The following ITGB8 variants were observed in gnomAD, a reference collection of about 807,000 sequenced individuals.
ITGB8 encodes the protein integrin subunit beta 8.
A neutral mutation model predicts 89.5 loss-of-function variants in ITGB8; 30 were observed. The observed-to-expected ratio is 0.34, with a 90% CI of 0.25 to 0.45. ITGB8 has a LOEUF of 0.45. Among genes scored for constraint, ITGB8 ranks in the 20% least tolerant of loss-of-function variants. The pLI is 1.00. For synonymous variants in ITGB8, 335 were observed against 320.4 expected, an observed-to-expected ratio of 1.05 and a Z score of -0.49; for missense variants, 836 against 933.3, an observed-to-expected ratio of 0.90 and a Z score of 1.36.
Position 20,398,930 on chromosome 7 carries a change from T to C in ITGB8, c.1217T>C (p.Ile406Thr), listed in dbSNP as rs1458719684. 1 of 1,611,306 alleles carries C rather than the reference T, an allele frequency of 6.2e-7. No homozygotes were observed. ...GGCATCTATTTTAACATTACCGCCA[T>C]CTGTCCAGATGGGTCCAGAAAGCCA... ...VQGIYFNITAICPDGSRKPGM... is the reference protein window; with the variant it reads ...VQGIYFNITATCPDGSRKPGM... The change falls in exon 9 of 14, where the codon ATC (isoleucine) becomes ACC (threonine). Residue 406 changes from isoleucine (I) to threonine (T), a missense_variant. Physicochemically the swap from Ile to Thr is moderately conservative, Grantham distance 89. Coordinates refer to ENST00000222573, the MANE Select transcript of ITGB8 (RefSeq NM_002214.3).
intron 1 of ITGB8, among the ~76,000 whole-genome samples, chr7:20,334,271 T>C (rs1265964793): frequency 2.0e-5 from 3 of 152,156 alleles, no homozygotes; most frequent in African/African-American, 7.2e-5. Context: ...TGTAAAATGG[T>C]CAATAAATAA....
At chr7:20,402,275 G>A (rs909083778) in intron 10 of ITGB8, 149 bp downstream of exon 10, 2 of 629,340 alleles carry the variant, frequency 3.2e-6, no homozygotes, top group Non-Finnish European at 5.2e-6. Flanking sequence ...ATTAGGGCAT[G>A]GCAACAGATT....
At chr7:20,365,649 A>G (rs547297412) in intron 2 of ITGB8, 1 of 152,376 alleles carries the variant, frequency 6.6e-6, no homozygotes, top group East Asian at 1.9e-4. Context: ...CACGGTTAGG[A>G]AACTAGGAGG....
chr7:20,371,212 A>G (rs981219513), intron 3 of ITGB8, among the ~76,000 whole-genome samples: 1 of 152,224 alleles, frequency 6.6e-6, no homozygotes, highest in Non-Finnish European at 1.5e-5. Flanking sequence ...CAAAACCAAA[A>G]TCGAAGAATA....
intron 1 of ITGB8, among the ~76,000 whole-genome samples, chr7:20,351,761 AC>A (rs1282555009): frequency 6.6e-6 from 1 of 152,234 alleles, no homozygotes; most frequent in Non-Finnish European, 1.5e-5. Context: ...AATCAAGTTC[AC>A]ACCTGCAACG....
At chr7:20,345,412 C>T (rs971128890) in intron 1 of ITGB8, among the ~76,000 whole-genome samples, 2 of 151,152 alleles carry the variant, frequency 1.3e-5, no homozygotes, top group African/African-American at 4.9e-5. Flanking sequence ...CATGGTTATA[C>T]ATAATTATCT....
Position 20,381,727 on chromosome 7 carries a change from A to T in ITGB8, c.802A>T (p.Ser268Cys). The T allele has an allele frequency of 6.2e-7, 1 of 1,601,506 alleles. No individual in the cohort carries two copies. ...DAMLQAAVCE[S>C]HIGWRKEAKR... ...GTCTAATTACATGTTTATTTTTAAG[A>T]GTCATATCGGATGGCGAAAAGAGGC... The change falls in exon 6 of 14, where the codon AGT (serine) becomes TGT (cysteine). Residue 268 changes from serine (S) to cysteine (C), a missense_variant and splice_region_variant. Coordinates refer to ENST00000222573, the MANE Select transcript of ITGB8 (RefSeq NM_002214.3).
intron 1 of ITGB8, among the ~76,000 whole-genome samples, chr7:20,355,956 G>A (rs1043479003): frequency 1.3e-5 from 2 of 152,084 alleles, no homozygotes; most frequent in African/African-American, 4.8e-5. Flanking sequence ...CTGCTTCTTT[G>A]TCTATTTCAA....
chr7:20,354,577 T>A (rs1785225668), intron 1 of ITGB8, among the ~76,000 whole-genome samples: 1 of 152,102 alleles, frequency 6.6e-6, no homozygotes, highest in African/African-American at 2.4e-5. Context: ...TCCTTGGTAT[T>A]CTGAGAGGCC....
At chr7:20,337,877 C>T (rs1784627633) in intron 1 of ITGB8, among the ~76,000 whole-genome samples, 1 of 152,186 alleles carries the variant, frequency 6.6e-6, no homozygotes, top group Non-Finnish European at 1.5e-5. Context: ...TAAACAGCCT[C>T]AGACTACTTT....
At chr7:20,358,694 C>A (rs1442700217) in intron 1 of ITGB8, among the ~76,000 whole-genome samples, 1 of 152,130 alleles carries the variant, frequency 6.6e-6, no homozygotes, top group Non-Finnish European at 1.5e-5. Context: ...TGAGCCACTG[C>A]GCCCAGCCAG....
At chr7:20,387,724 A>T (rs1213179248) in intron 6 of ITGB8, among the ~76,000 whole-genome samples, 1 of 152,212 alleles carries the variant, frequency 6.6e-6, no homozygotes, top group Non-Finnish European at 1.5e-5. Flanking sequence ...CAAATAAAAA[A>T]TATATCCAGC....
In ITGB8 at chr7:20,401,360, AC is replaced by A. The variant is rs541057522; in HGVS notation, c.1282-357del. Among the ~76,000 whole-genome samples the A allele has an allele frequency of 2.0e-4, 31 of 152,186 alleles. 1 individual carries two copies. In the East Asian group the frequency reaches 5.0e-3, roughly 25 times the overall value. On this transcript the variant is annotated intron_variant, in intron 9 of 13. Coordinates refer to ENST00000222573, the MANE Select transcript of ITGB8 (RefSeq NM_002214.3). Reference sequence around the variant, plus strand: ...CTATCTCTAGTGTCAAATATTCAATACCCCACATTTTAATGGCTGAGTTTAG... The same window carrying A: ...CTATCTCTAGTGTCAAATATTCAATACCCACATTTTAATGGCTGAGTTTAG...
chr7:20,358,090 C>T (rs558267452), intron 1 of ITGB8, among the ~76,000 whole-genome samples: 11 of 152,224 alleles, frequency 7.2e-5, no homozygotes, highest in Middle Eastern at 3.4e-3. Context: ...CTCAGCCTCC[C>T]GAGTAGCTGG....
chr7:20,363,801 T>C, intron 2 of ITGB8, 79 bp downstream of exon 2: 1 of 737,288 alleles, frequency 1.4e-6, no homozygotes, highest in Non-Finnish European at 2.0e-6. Context: ...ATTCTGTGCC[T>C]TGAAGGTGCA....
Position 20,380,807 on chromosome 7 carries a change from C to A in ITGB8, c.777C>A (p.Ala259=). ...ATACACCAGAAGGAGGTTTTGACGCCATGCTTCAGGCAGCTGTCTGTGAAG... is the reference window on the plus strand; with the variant it reads ...ATACACCAGAAGGAGGTTTTGACGCAATGCTTCAGGCAGCTGTCTGTGAAG... The part of the protein sequence containing the change: ...NIDTPEGGFD[A]MLQAAVCESH... The change falls in exon 5 of 14, where the codon GCC becomes GCA. Residue 259 remains alanine (A), a synonymous_variant. Transcript: ENST00000222573. The A allele has an allele frequency of 6.2e-7, 1 of 1,613,134 alleles. No individual in the cohort carries two copies. Among genetic ancestry groups the A allele is most frequent in the South Asian group, 1.1e-5 (1 of 90,904 alleles).
Position 20,402,084 on chromosome 7 carries a change from G to T in ITGB8, c.1645G>T (p.Asp549Tyr). 6.2e-7 allele frequency: 1 copy of T among 1,613,858 alleles called. No individual in the cohort carries two copies. The highest frequency in any genetic ancestry group is 8.5e-7 in the Non-Finnish European group (1 of 1,179,848). ...GKVYGKYCEK[D>Y]DFSCPYHHGN... ...AGTGTATGGAAAATACTGTGAAAAG[G>T]ATGACTTTTCTTGTCCATATCACCA... The change falls in exon 10 of 14, where the codon GAT becomes TAT. Residue 549 changes from aspartate to tyrosine, a missense_variant. This residue lies in a region of ITGB8 where 422 missense variants were observed against 416.9 expected (regional missense o/e 1.01). Coordinates refer to ENST00000222573, the MANE Select transcript of ITGB8 (RefSeq NM_002214.3).
In ITGB8 at chr7:20,402,866, AAAAC is replaced by A. The variant is rs1218090267; in HGVS notation, c.1687+744_1687+747del. 3.9e-5 allele frequency among the ~76,000 whole-genome samples: 6 copies of A among 152,360 alleles called. No homozygotes were observed. The South Asian group carries it at 1.2e-3, about 32-fold the overall frequency. ...AAAATCTAATCAACATTAGCAAACT[AAAAC>A]AAAATACTGTTTTTAAATGAATTAA... On this transcript the variant is annotated intron_variant, in intron 10 of 13. Transcript: ENST00000222573.
intron 1 of ITGB8, among the ~76,000 whole-genome samples, chr7:20,332,555 A>G (rs1297878769): frequency 6.6e-6 from 1 of 152,236 alleles, no homozygotes; most frequent in Non-Finnish European, 1.5e-5. Context: ...ACAGAGAAGC[A>G]GAAAGAACTC....
Sources: gnomAD v4.1 joint callset for allele counts (sites outside exome capture counted in the v4.1 genomes callset) on GRCh38, gnomAD v4.1.1 for gene constraint, gnomAD v4.1.1 regional missense constraint, MANE v1.5 for transcripts, NCBI Gene and HGNC (gene_info 2026-07-23, HGNC 2026-07-21) for gene names.